Variants in PGCKA1 observed in about 807,000 individuals in gnomAD.
The protein encoded by PGCKA1 is PDCD10 and GCKIII kinases-associated protein 1.
chr4:37,532,033 T>C, the PGCKA1 span, among the ~76,000 whole-genome samples: 1 of 152,110 alleles, frequency 6.6e-6, no homozygotes, highest in African/African-American at 2.4e-5. Flanking sequence ...AATGGGGTGC[T>C]ACCATACATC....
At chr4:37,571,694 C>T in the PGCKA1 span, among the ~76,000 whole-genome samples, 49 of 152,148 alleles carry the variant, frequency 3.2e-4, no homozygotes, top group African/African-American at 1.2e-3. Flanking sequence ...CCCGCCACCA[C>T]GCCTGGCTAA....
chr4:37,460,262 C>T, the PGCKA1 span, among the ~76,000 whole-genome samples: 8 of 152,080 alleles, frequency 5.3e-5, no homozygotes, highest in South Asian at 2.1e-4. Context: ...GTTGATTCCA[C>T]GTCTTTGCTA....
chr4:37,507,762 TA>T, the PGCKA1 span, among the ~76,000 whole-genome samples: 1 of 152,188 alleles, frequency 6.6e-6, no homozygotes, highest in Non-Finnish European at 1.5e-5. Context: ...TGCTTATGAT[TA>T]CCAATTAGTT....
chr4:37,471,527 A>G, the PGCKA1 span, among the ~76,000 whole-genome samples: 1 of 152,200 alleles, frequency 6.6e-6, no homozygotes, highest in East Asian at 1.9e-4. Flanking sequence ...CAAGCTAAGC[A>G]TTATACTCTG....
At chr4:37,590,218 G>T in the PGCKA1 span, 2 of 1,614,096 alleles carry the variant, frequency 1.2e-6, no homozygotes, top group Admixed American at 1.7e-5. Context: ...GCAGAAAAAT[G>T]ACCCTCAGAG....
At chr4:37,574,533 A>G in the PGCKA1 span, among the ~76,000 whole-genome samples, 1 of 152,194 alleles carries the variant, frequency 6.6e-6, no homozygotes, top group Admixed American at 6.5e-5. Flanking sequence ...ACAGGCTTGC[A>G]ATGCATAATA....
At chr4:37,491,963 C>CT in the PGCKA1 span, among the ~76,000 whole-genome samples, 1 of 151,308 alleles carries the variant, frequency 6.6e-6, no homozygotes, top group African/African-American at 2.4e-5. Context: ...TCTGAATGGC[C>CT]TTTTTGTAGA....
At chr4:37,525,986 G>A in the PGCKA1 span, among the ~76,000 whole-genome samples, 1 of 152,150 alleles carries the variant, frequency 6.6e-6, no homozygotes, top group African/African-American at 2.4e-5. Flanking sequence ...CTCCTAAAGT[G>A]TATATTTCTG....
At chr4:37,532,690 C>T in the PGCKA1 span, among the ~76,000 whole-genome samples, 2 of 152,156 alleles carry the variant, frequency 1.3e-5, no homozygotes, top group African/African-American at 2.4e-5. Flanking sequence ...TTCCCCAAAA[C>T]AAAGGCACCA....
At chr4:37,503,863 C>G in the PGCKA1 span, among the ~76,000 whole-genome samples, 5 of 152,094 alleles carry the variant, frequency 3.3e-5, no homozygotes. Flanking sequence ...AATCCCTTGC[C>G]AGATGGGGTA....
chr4:37,565,893 C>G, the PGCKA1 span, among the ~76,000 whole-genome samples: 5 of 152,092 alleles, frequency 3.3e-5, no homozygotes, highest in Admixed American at 6.5e-5. Flanking sequence ...TAATCAGCTC[C>G]CAGCGAATAT....
At chr4:37,531,247 G>A in the PGCKA1 span, among the ~76,000 whole-genome samples, 1 of 152,130 alleles carries the variant, frequency 6.6e-6, no homozygotes, top group Non-Finnish European at 1.5e-5. Flanking sequence ...AGGAAACTGA[G>A]GATTGCCTCA....
the PGCKA1 span, among the ~76,000 whole-genome samples, chr4:37,584,614 A>G: frequency 5.9e-5 from 9 of 152,206 alleles, no homozygotes; most frequent in Non-Finnish European, 1.5e-5. Flanking sequence ...GGGAAGGGGC[A>G]GTTTTCGAGT....
chr4:37,499,357 C>A, the PGCKA1 span, among the ~76,000 whole-genome samples: 4 of 151,938 alleles, frequency 2.6e-5, no homozygotes, highest in Non-Finnish European at 5.9e-5. Context: ...GGGAGGAGTC[C>A]CTTTGGAATA....
chr4:37,481,297 T>TAA, the PGCKA1 span, among the ~76,000 whole-genome samples: 15 of 148,070 alleles, frequency 1.0e-4, no homozygotes, highest in South Asian at 4.2e-4. Flanking sequence ...CTGTCTCTAC[T>TAA]AAAAAAAAAA....
chr4:37,566,912 T>C, the PGCKA1 span, among the ~76,000 whole-genome samples: 2 of 152,140 alleles, frequency 1.3e-5, no homozygotes, highest in Non-Finnish European at 2.9e-5. Context: ...AGTCCTTCTC[T>C]TGAGATGAGT....
chr4:37,458,614 G>T, the PGCKA1 span, among the ~76,000 whole-genome samples: 1 of 152,128 alleles, frequency 6.6e-6, no homozygotes, highest in African/African-American at 2.4e-5. Flanking sequence ...GCCTAGCCTG[G>T]GTTCATCACA....
chr4:37,556,309 C>T, the PGCKA1 span, among the ~76,000 whole-genome samples: 1 of 151,558 alleles, frequency 6.6e-6, no homozygotes. Context: ...CTCTTGTTGC[C>T]CAGGCAGGAG....
the PGCKA1 span, among the ~76,000 whole-genome samples, chr4:37,509,947 ACCG>A: frequency 7.1e-6 from 1 of 141,366 alleles, no homozygotes; most frequent in Non-Finnish European, 1.5e-5. Context: ...TCAGAGGGAG[ACCG>A]TGGAGAGAGA....
Sources: gnomAD v4.1 joint callset for allele counts (sites outside exome capture counted in the v4.1 genomes callset) on GRCh38, gnomAD v4.1.1 for gene constraint, MANE v1.5 for transcripts, NCBI Gene and HGNC (gene_info 2026-07-23, HGNC 2026-07-21) for gene names.